The following MTMR6 variants were observed in gnomAD, a reference collection of about 807,000 sequenced individuals.
MTMR6 encodes the protein myotubularin related protein 6.
A neutral mutation model predicts 80.1 loss-of-function variants in MTMR6; 47 were observed. The observed-to-expected ratio is 0.59, with a 90% CI of 0.46 to 0.75. The LOEUF is 0.75. Ranked by LOEUF, MTMR6 falls within the 30% of genes least tolerant of loss-of-function variation. MTMR6 has a pLI of 0.00. For synonymous variants in MTMR6, 254 were observed against 253.0 expected (o/e 1.00, Z -0.04); for missense variants, 629 against 730.9 (o/e 0.86, Z 1.61).
intron 1 of MTMR6, among the ~76,000 whole-genome samples, chr13:25,283,031 T>C (rs1021827109): frequency 6.6e-6 from 1 of 152,050 alleles, no homozygotes; most frequent in African/African-American, 2.4e-5. Context: ...CTCCCAAATC[T>C]ACTCAAGGCC....
chr13:25,251,954 T>G lies in MTMR6; in HGVS notation c.1377A>C (p.Pro459=), dbSNP rs1229886786. The G allele has an allele frequency of 6.2e-7, 1 of 1,611,156 alleles. No individual in the cohort carries two copies. The highest frequency in any genetic ancestry group is 1.7e-5 in the Admixed American group (1 of 59,386). ...KLKEKTYSLW[P]FLLEDQKKYL... is the part of the protein sequence containing the mutation. ...ACTTCTTTTGGTCTTCCAAAAGAAA[T>G]GGCCACAGGGAATAAGTCTTCTCCT... The change falls in exon 12 of 14, where the codon CCA becomes CCC. Residue 459 remains proline, a synonymous_variant. Coordinates refer to ENST00000381801, the MANE Select transcript of MTMR6 (RefSeq NM_004685.5). This position sits in a 1 kb window ranked among gnomAD's most constrained non-coding sequence, Gnocchi z 4.1.
chr13:25,253,659 A>C, intron 11 of MTMR6, 105 bp downstream of exon 11: 2 of 1,007,624 alleles, frequency 2.0e-6, no homozygotes, highest in Non-Finnish European at 2.9e-6. Context: ...TCTTTACAAT[A>C]AACTTTCAAA....
In MTMR6 at chr13:25,251,855, A is replaced by G. The variant is rs760864949; in HGVS notation, c.1476T>C (p.Phe492=). The G allele has an allele frequency of 4.4e-6, 7 of 1,606,812 alleles. No individual in the cohort carries two copies. Among genetic ancestry groups the G allele is most frequent in the Non-Finnish European group, 5.9e-6 (7 of 1,178,124 alleles). ...VLEPNTVSFN[F]KFWRNMYHQF... ...ATACTCCAATGATGTCAACTTACTT[A>G]AAATTGAAAGATACTGTATTTGGCT... Residue 492 remains phenylalanine, a splice_region_variant and synonymous_variant, in exon 12 of 14, where the codon TTT becomes TTC. Coordinates refer to ENST00000381801, the MANE Select transcript of MTMR6 (RefSeq NM_004685.5). The surrounding 1 kb of genome is among the most constrained non-coding windows in gnomAD (Gnocchi z 4.1).
intron 6 of MTMR6, 32 bp downstream of exon 6, chr13:25,261,636 C>G: frequency 6.7e-7 from 1 of 1,493,776 alleles, no homozygotes. Context: ...AATAATTAAA[C>G]TAGCAGACTG....
intron 5 of MTMR6, among the ~76,000 whole-genome samples, chr13:25,263,055 G>A (rs1232539089): frequency 6.6e-6 from 1 of 152,112 alleles, no homozygotes; most frequent in Admixed American, 6.5e-5. Flanking sequence ...AGTCAGGTTC[G>A]AATAAAGAAA....
chr13:25,262,284 T>C (rs1957356186), intron 5 of MTMR6, among the ~76,000 whole-genome samples: 1 of 152,216 alleles, frequency 6.6e-6, no homozygotes, highest in Non-Finnish European at 1.5e-5. Context: ...TCAATTCAAA[T>C]TTGAGTTAAA....
rs948072433 is a variant in MTMR6, at chr13:25,265,819, C to T, written c.591G>A (p.Glu197=). 2.5e-6 allele frequency: 4 copies of T among 1,610,986 alleles called. No individual in the cohort carries two copies. The highest frequency in any genetic ancestry group is 3.4e-6 in the Non-Finnish European group (4 of 1,177,620). ...PVLSYYHQDK[E]AAICRCSQPL... is the part of the protein sequence containing the mutation. ...TAAAATCAAAAGAAAAGCATCCTAC[C>T]TCCTTATCTTGATGATAGTAGGAAA... Residue 197 remains glutamate, a splice_region_variant and synonymous_variant, in exon 5 of 14, where the codon GAG becomes GAA. Transcript: ENST00000381801.
At chr13:25,283,801 G>T (rs1051282978) in intron 1 of MTMR6, among the ~76,000 whole-genome samples, 2 of 152,218 alleles carry the variant, frequency 1.3e-5, no homozygotes, top group East Asian at 3.8e-4. Flanking sequence ...GCAGGGAAAG[G>T]AGAAAGACTG....
intron 11 of MTMR6, among the ~76,000 whole-genome samples, chr13:25,252,810 TTC>T (rs1957119282): frequency 6.6e-6 from 1 of 152,220 alleles, no homozygotes; most frequent in Non-Finnish European, 1.5e-5. Context: ...AGCCTCAATG[TTC>T]TTTGATTGTT....
intron 1 of MTMR6, among the ~76,000 whole-genome samples, chr13:25,286,822 G>C (rs1463921110): frequency 6.6e-6 from 1 of 152,188 alleles, no homozygotes; most frequent in Non-Finnish European, 1.5e-5. Context: ...ATGTGAGCAA[G>C]GACAAGCTTA....
chr13:25,273,594 C>G (rs1158245399), intron 2 of MTMR6, among the ~76,000 whole-genome samples: 1 of 149,514 alleles, frequency 6.7e-6, no homozygotes, highest in African/African-American at 2.5e-5. Flanking sequence ...GGCGCGATCT[C>G]GGCTCACTGC....
rs777372172 is a variant in MTMR6, at chr13:25,257,788, C to A, written c.917G>T (p.Gly306Val). The A allele has an allele frequency of 1.8e-5, 29 of 1,613,944 alleles. No individual in the cohort carries two copies. The East Asian group carries it at 6.2e-4, about 35-fold the overall frequency. Residue 306 changes from glycine to valine, a missense_variant, in exon 8 of 14, where the codon GGA (glycine) becomes GTA (valine). Transcript: ENST00000381801. The stretch of plus-strand genomic sequence containing the variant: ...AACAGCTTTGATATGGCGAAGCCAT[C>A]CCGAGCTCTCCAAACCGGAGTAGAA... ...NDFYSGLESS[G>V]WLRHIKAVMD...
intron 9 of MTMR6, among the ~76,000 whole-genome samples, chr13:25,256,584 G>T (rs773411264): frequency 6.6e-6 from 1 of 152,002 alleles, no homozygotes; most frequent in African/African-American, 2.4e-5. Flanking sequence ...CTGCTCACAC[G>T]TTTAAAAGCA....
At position 25,251,942 on chromosome 13, in the gene MTMR6, T is replaced by C; in HGVS notation, c.1389A>G (p.Glu463=). 1 of 1,609,768 alleles carries C rather than the reference T, an allele frequency of 6.2e-7. No homozygotes were observed. The highest frequency in any genetic ancestry group is 8.5e-7 in the Non-Finnish European group (1 of 1,178,310). Residue 463 remains glutamate (E), a synonymous_variant, in exon 12 of 14, where the codon GAA becomes GAG. Coordinates refer to ENST00000381801, the MANE Select transcript of MTMR6 (RefSeq NM_004685.5). This position sits in a 1 kb window ranked among gnomAD's most constrained non-coding sequence, Gnocchi z 4.1. The stretch of plus-strand genomic sequence containing the variant: ...GAGGATTTAAGTACTTCTTTTGGTC[T>C]TCCAAAAGAAATGGCCACAGGGAAT... The part of the protein sequence containing the change: ...KTYSLWPFLL[E]DQKKYLNPLY...
rs1044113635 is a variant in MTMR6, at chr13:25,246,563, T to C, written c.*2669A>G. 3 of 152,664 alleles carry C rather than the reference T, an allele frequency of 2.0e-5. No individual in the cohort carries two copies. The highest frequency in any genetic ancestry group is 7.2e-5 in the African/African-American group (3 of 41,464). The allele number at this position is 152,664 out of a possible 1,614,324, so 9.5% of individuals were successfully genotyped here. On this transcript the variant is annotated 3_prime_UTR_variant, in exon 14 of 14. Transcript: ENST00000381801. ...GTTGGTGCAAAAGTAATTGCGGTTT[T>C]TGTCATCACTTTCAATGGCAAAAGC...
chr13:25,267,336 C>A (rs182957827), intron 3 of MTMR6, among the ~76,000 whole-genome samples: 39 of 151,444 alleles, frequency 2.6e-4, no homozygotes, highest in Non-Finnish European at 3.8e-4. Flanking sequence ...TCTCTTGTTT[C>A]TCTGCTTATC....
Position 25,287,469 on chromosome 13 carries a change from C to T in MTMR6, c.-222G>A, listed in dbSNP as rs749643505. 1.8e-5 allele frequency: 11 copies of T among 598,312 alleles called. No homozygotes were observed. The highest frequency in any genetic ancestry group is 3.3e-5 in the Non-Finnish European group (11 of 333,662). 37.1% of individuals were successfully genotyped at this position (598,312 alleles called of 1,614,324 possible). ...CCGCGGCCTCCCGGGGGACTCGGGG[C>T]AGGCAGACAGAGCGTGTGTGGACCG... On this transcript the variant is annotated 5_prime_UTR_variant, in exon 1 of 14. Transcript: ENST00000381801.
intron 1 of MTMR6, among the ~76,000 whole-genome samples, chr13:25,284,038 C>G (rs1270951239): frequency 1.3e-5 from 2 of 152,066 alleles, no homozygotes; most frequent in East Asian, 3.8e-4. Context: ...TAGTATTCAG[C>G]TAAAATACTT....
At position 25,251,970 on chromosome 13, in the gene MTMR6, G is replaced by A; in HGVS notation, c.1361C>T (p.Thr454Ile). ...EREELKLKEK[T>I]YSLWPFLLED... ...CAAAAGAAATGGCCACAGGGAATAA[G>A]TCTTCTCCTTCAACCTTAATATAAT... The change falls in exon 12 of 14, where the codon ACT becomes ATT. Residue 454 changes from threonine to isoleucine, a missense_variant. By Grantham distance (89) the Thr-to-Ile change is moderately conservative (BLOSUM62 -1). Coordinates refer to ENST00000381801, the MANE Select transcript of MTMR6 (RefSeq NM_004685.5). This position sits in a 1 kb window ranked among gnomAD's most constrained non-coding sequence, Gnocchi z 4.1. 6.2e-7 allele frequency: 1 copy of A among 1,611,486 alleles called. No homozygotes were observed. The highest frequency in any genetic ancestry group is 1.3e-5 in the African/African-American group (1 of 74,918).
Sources: allele counts gnomAD v4.1 joint callset (sites outside exome capture counted in the v4.1 genomes callset), GRCh38; gene constraint gnomAD v4.1.1; non-coding constraint Gnocchi (gnomAD v3.1); transcripts MANE v1.5; gene names NCBI Gene and HGNC (gene_info 2026-07-23, HGNC 2026-07-21).